The following COL5A3 variants were observed in gnomAD, a reference collection of about 807,000 sequenced individuals.
COL5A3 encodes the protein collagen alpha-3(V) chain.
Under a neutral mutation model 250.0 loss-of-function variants are expected in COL5A3, and 172 were observed. The ratio of observed to expected loss-of-function variants is 0.69; its 90% CI spans 0.61 to 0.78. The LOEUF (loss-of-function observed/expected upper bound fraction) is 0.78. Ranked by LOEUF, COL5A3 falls within the 30% of genes least tolerant of loss-of-function variation. COL5A3 has a pLI of 0.00. For missense variants in COL5A3, 2,340 were observed against 2,334.4 expected, an observed-to-expected ratio of 1.00 and a Z score of -0.05; for synonymous variants, 937 against 900.4, an observed-to-expected ratio of 1.04 and a Z score of -0.73.
At chr19:10,003,798 A>T (rs903324998) in intron 5 of COL5A3, 84 bp from the exon 6 acceptor site, 2 of 1,561,528 alleles carry the variant, frequency 1.3e-6, no homozygotes, top group Non-Finnish European at 1.7e-6. Context: ...AGGCTGGCTC[A>T]TGGCCCGTGG....
intron 21 of COL5A3, 73 bp downstream of exon 21, chr19:9,992,754 G>A: frequency 6.7e-7 from 1 of 1,487,524 alleles, no homozygotes; most frequent in Non-Finnish European, 9.3e-7. Flanking sequence ...TCCAGCCTGG[G>A]CGACAGAGCG....
At chr19:9,969,199 G>T in intron 57 of COL5A3, 150 bp downstream of exon 57, 1 of 673,380 alleles carries the variant, frequency 1.5e-6, no homozygotes, top group East Asian at 2.7e-5. Flanking sequence ...AGGGTGGAAG[G>T]TCAGAGCAGA....
chr19:9,970,555 G>A (rs2086830361), intron 54 of COL5A3, 67 bp downstream of exon 54: 1 of 1,091,936 alleles, frequency 9.2e-7, no homozygotes, highest in African/African-American at 1.7e-5. Context: ...TGTGGGATGA[G>A]TGAGGTCTGT....
intron 13 of COL5A3, 60 bp from the exon 14 acceptor site, chr19:9,996,322 A>C: frequency 6.4e-7 from 1 of 1,550,600 alleles, no homozygotes; most frequent in South Asian, 1.2e-5. Flanking sequence ...CATTCCCCAC[A>C]GAGGCATCTT....
chr19:10,007,033 CCT>C lies in COL5A3; in HGVS notation c.89-804_89-803del, dbSNP rs75970224. Among the ~76,000 whole-genome samples, 102 of 150,262 alleles carry C rather than the reference CCT, an allele frequency of 6.8e-4. 2 individuals are homozygous for C. The East Asian group carries it at 0.019, about 28-fold the overall frequency. ...CTCTGATCTCCTCTCCTGACTTTCCCCTCTGACCTCCTCCCTCTGACTTTCCC... is the reference window on the plus strand; with the variant it reads ...CTCTGATCTCCTCTCCTGACTTTCCCCTGACCTCCTCCCTCTGACTTTCCC... On this transcript the variant is annotated intron_variant, in intron 1 of 66. Coordinates refer to ENST00000264828, the MANE Select transcript of COL5A3 (RefSeq NM_015719.4).
chr19:9,991,731 G>T, intron 23 of COL5A3, 57 bp downstream of exon 23: 1 of 1,598,474 alleles, frequency 6.3e-7, no homozygotes, highest in Non-Finnish European at 8.5e-7. Context: ...CCTGGTCACG[G>T]TCTAAGGTCT....
rs2087480897 is a variant in COL5A3 at position 10,008,812 on chromosome 19, G to A, written c.88+1486C>T. ...GTGTGTCTGTGACTTTAACACCTCG[G>A]ACTTCTGATGGGGGAGTGCCGTTCT... On this transcript the variant is annotated intron_variant, in intron 1 of 66. Coordinates refer to ENST00000264828, the MANE Select transcript of COL5A3 (RefSeq NM_015719.4). Among the ~76,000 whole-genome samples, 4 of 152,140 alleles carry A rather than the reference G, an allele frequency of 2.6e-5. No individual in the cohort carries two copies. The South Asian group carries it at 8.3e-4, about 31-fold the overall frequency.
intron 40 of COL5A3, 92 bp downstream of exon 40, chr19:9,978,799 C>T (rs747940558): frequency 1.3e-4 from 134 of 1,056,282 alleles, no homozygotes; most frequent in Non-Finnish European, 1.7e-4. Flanking sequence ...CATCATTTCC[C>T]GCACCCCAAA....
intron 31 of COL5A3, among the ~76,000 whole-genome samples, chr19:9,982,659 C>A (rs900366006): frequency 6.6e-6 from 1 of 152,214 alleles, no homozygotes; most frequent in African/African-American, 2.4e-5. Context: ...CTGGAGGAAC[C>A]CTTCCTCCAC....
Position 9,996,453 on chromosome 19 carries a change from C to A in COL5A3, c.1402G>T (p.Ala468Ser). 6.2e-7 allele frequency: 1 copy of A among 1,614,038 alleles called. No individual in the cohort carries two copies. The highest frequency in any genetic ancestry group is 8.5e-7 in the Non-Finnish European group (1 of 1,180,004). ...CTCACCTGAGTCTGCTGCAGAACTG[C>A]CTGAGCCTGGGCCTGCTGGAATGAG... ...PVSFQQAQAQ[A>S]VLQQTQLSMK... The change falls in exon 13 of 67, where the codon GCA becomes TCA. Residue 468 changes from alanine to serine, a missense_variant. Physicochemically the swap from Ala to Ser is moderately conservative, Grantham distance 99 (BLOSUM62 1). This residue lies in a region of COL5A3 where 1,152 missense variants were observed against 1,146.3 expected (regional missense o/e 1.00). Coordinates refer to ENST00000264828, the MANE Select transcript of COL5A3 (RefSeq NM_015719.4).
At chr19:10,006,804 C>A (rs1036029853) in intron 1 of COL5A3, among the ~76,000 whole-genome samples, 3 of 151,922 alleles carry the variant, frequency 2.0e-5, no homozygotes, top group Non-Finnish European at 2.9e-5. Context: ...CTGGTTACCC[C>A]CTCTGACCTT....
At chr19:9,980,999 C>T in intron 33 of COL5A3, 89 bp downstream of exon 33, 1 of 1,534,698 alleles carries the variant, frequency 6.5e-7, no homozygotes, top group South Asian at 1.1e-5. Context: ...AAACCCTTTC[C>T]CTGCCCACAG....
chr19:9,969,671 A>G lies in COL5A3; in HGVS notation c.4002T>C (p.Gly1334=). The change falls in exon 56 of 67, where the codon GGT becomes GGC. Residue 1334 remains glycine (G), a synonymous_variant. Coordinates refer to ENST00000264828, the MANE Select transcript of COL5A3 (RefSeq NM_015719.4). ...EGEKGAKGEP[G]PDGPPGRTGP... ...CCGTCCTCCCTGGGGGCCCATCAGG[A>G]CCTGGCTCCCCCTGAAATGGACACA... is the stretch of plus-strand genomic sequence containing the variant. 2.5e-6 allele frequency: 4 copies of G among 1,588,198 alleles called. No homozygotes were observed. Among genetic ancestry groups the G allele is most frequent in the Non-Finnish European group, 3.4e-6 (4 of 1,172,972 alleles).
chr19:9,990,686 C>A (rs570090064), intron 24 of COL5A3, among the ~76,000 whole-genome samples: 7 of 151,924 alleles, frequency 4.6e-5, no homozygotes, highest in Non-Finnish European at 5.9e-5. Context: ...ACTCAGCCTC[C>A]CGAGTAGCTG....
At position 9,960,459 on chromosome 19, in the gene COL5A3, C is replaced by T. The variant is rs1206800800; in HGVS notation, c.5190G>A (p.Thr1730=). 3.7e-6 allele frequency: 6 copies of T among 1,614,062 alleles called. No individual in the cohort carries two copies. Among genetic ancestry groups the T allele is most frequent in the South Asian group, 2.2e-5 (2 of 91,076 alleles). The part of the protein sequence containing the change: ...WDVAATDFGQ[T]NQKFGFELGP... ...CCAGTTCAAACCCAAACTTTTGGTTCGTCTGGCCAAAGTCAGTGGCCGCCA... is the reference window on the plus strand; with the variant it reads ...CCAGTTCAAACCCAAACTTTTGGTTTGTCTGGCCAAAGTCAGTGGCCGCCA... Residue 1730 remains threonine, a synonymous_variant, in exon 67 of 67, where the codon ACG becomes ACA. Coordinates refer to ENST00000264828, the MANE Select transcript of COL5A3 (RefSeq NM_015719.4).
chr19:9,972,372 C>T (rs572604992), intron 51 of COL5A3, among the ~76,000 whole-genome samples: 17 of 152,268 alleles, frequency 1.1e-4, no homozygotes, highest in South Asian at 2.1e-4. Flanking sequence ...TATTCATTCA[C>T]GTATTCATCC....
rs1212391794 is a variant in COL5A3 at position 9,982,079 on chromosome 19, C to G, written c.2446G>C (p.Glu816Gln). 7 of 1,610,780 alleles carry G rather than the reference C, an allele frequency of 4.3e-6. No homozygotes were observed. Among genetic ancestry groups the G allele is most frequent in the Non-Finnish European group, 5.9e-6 (7 of 1,178,192 alleles). The change falls in exon 32 of 67, where the codon GAG becomes CAG. Residue 816 changes from glutamate (E) to glutamine (Q), a missense_variant. Transcript: ENST00000264828. ...TCATGACTCACCGACTTCCCTTTCT[C>G]TCCTATGGGTCCCAGGGGACCGGGA... ...GFPGPLGPIG[E>Q]KGKSGKTGQP...
At position 10,005,998 on chromosome 19, in the gene COL5A3, A is replaced by T; in HGVS notation, c.248-13T>A. ...GGAAAGTGGCCTTCTGGGTGGGCAG[A>T]GGGAACAAGGCAGCTCAGAGGGCCC... On this transcript the variant is annotated splice_polypyrimidine_tract_variant and intron_variant, in intron 2 of 66. Coordinates refer to ENST00000264828, the MANE Select transcript of COL5A3 (RefSeq NM_015719.4). The T allele has an allele frequency of 6.2e-7, 1 of 1,612,502 alleles. No individual in the cohort carries two copies. The highest frequency in any genetic ancestry group is 8.5e-7 in the Non-Finnish European group (1 of 1,178,728).
intron 64 of COL5A3, among the ~76,000 whole-genome samples, chr19:9,966,025 T>C (rs1418520015): frequency 2.0e-5 from 3 of 151,246 alleles, no homozygotes; most frequent in African/African-American, 7.3e-5. Context: ...AGAAATGGGG[T>C]TTTGCTATGT....
Sources: gnomAD v4.1 joint callset for allele counts (sites outside exome capture counted in the v4.1 genomes callset) on GRCh38, gnomAD v4.1.1 for gene constraint, gnomAD v4.1.1 regional missense constraint, MANE v1.5 for transcripts, NCBI Gene and HGNC (gene_info 2026-07-23, HGNC 2026-07-21) for gene names.